TSPAN14: variants seen among roughly 807,000 people sequenced by gnomAD.
The protein encoded by TSPAN14 is tetraspanin-14.
TSPAN14 carries 16 observed loss-of-function variants against 36.6 expected under a neutral mutation model. The observed-to-expected ratio is 0.44, with a 90% confidence interval of 0.30 to 0.66. The LOEUF is 0.66. TSPAN14 is among the 30% of genes least tolerant of loss of function. TSPAN14 has a pLI of 0.12. For missense variants in TSPAN14, 231 were observed against 355.1 expected (o/e 0.65, Z 2.81); for synonymous variants, 139 against 143.8 (o/e 0.97, Z 0.24).
chr10:80,455,647 G>A (rs1040442162), intron 1 of TSPAN14, among the ~76,000 whole-genome samples: 1 of 152,108 alleles, frequency 6.6e-6, no homozygotes, highest in Non-Finnish European at 1.5e-5. Context: ...CTATGTCCTT[G>A]CCACATTTCA....
In TSPAN14 at chr10:80,476,393, A is replaced by T. The variant is rs118158679; in HGVS notation, c.-17-12824A>T. Among the ~76,000 whole-genome samples, 83 of 150,096 alleles carry T rather than the reference A, an allele frequency of 5.5e-4. No individual in the cohort carries two copies. The East Asian group carries it at 0.015, about 28-fold the overall frequency. On this transcript the variant is annotated intron_variant, in intron 1 of 8. Coordinates refer to ENST00000429989, the Ensembl canonical transcript of TSPAN14. ...TCAAAAACAAAAGTAAATGCTGTGA[A>T]AATAGTTGTTTTACTGTTTTTTTTT...
intron 4 of TSPAN14, among the ~76,000 whole-genome samples, chr10:80,508,489 A>G (rs538001232): frequency 6.6e-6 from 1 of 152,244 alleles, no homozygotes; most frequent in South Asian, 2.1e-4. Context: ...TTAGTGTCTT[A>G]TATGGCCAGT....
intron 2 of TSPAN14, among the ~76,000 whole-genome samples, chr10:80,491,136 G>A (rs887918669): frequency 6.6e-6 from 1 of 152,164 alleles, no homozygotes; most frequent in Non-Finnish European, 1.5e-5. Flanking sequence ...GAAATAAGGT[G>A]GGATTCAATG....
chr10:80,515,489 C>T (rs1424954532), intron 7 of TSPAN14: 1 of 152,404 alleles, frequency 6.6e-6, no homozygotes, highest in East Asian at 1.9e-4. Flanking sequence ...AAGAGCCTGT[C>T]TACAAATACA....
chr10:80,473,756 G>A (rs188500758), intron 1 of TSPAN14, among the ~76,000 whole-genome samples: 4 of 149,846 alleles, frequency 2.7e-5, no homozygotes, highest in East Asian at 3.9e-4. Context: ...CACATGCCAC[G>A]GTGTCTGATT....
At chr10:80,514,395 C>T (rs749235529) in intron 7 of TSPAN14, among the ~76,000 whole-genome samples, 16 of 152,124 alleles carry the variant, frequency 1.1e-4, no homozygotes, top group Non-Finnish European at 2.1e-4. Flanking sequence ...AGACGTCTCT[C>T]GTTAAGGGGA....
In TSPAN14 at chr10:80,467,791, C is replaced by A. The variant is rs78082797; in HGVS notation, c.-18+13420C>A. On this transcript the variant is annotated intron_variant, in intron 1 of 8. Coordinates refer to ENST00000429989, the Ensembl canonical transcript of TSPAN14. ...CAAACACACACTCCCAGTGTTCAGGCGCTGAGTGTGGCCCCTGGAGTTCAC... is the reference window on the plus strand; with the variant it reads ...CAAACACACACTCCCAGTGTTCAGGAGCTGAGTGTGGCCCCTGGAGTTCAC... 2.5e-4 allele frequency among the ~76,000 whole-genome samples: 38 copies of A among 152,270 alleles called. 2 individuals carry two copies. In the East Asian group the frequency reaches 3.9e-3, roughly 15 times the overall value.
intron 1 of TSPAN14, among the ~76,000 whole-genome samples, chr10:80,476,409 G>GTTTTTTTTTTTTTTTTTTTTTT (rs60589813): frequency 1.2e-5 from 1 of 85,046 alleles, no homozygotes; most frequent in Non-Finnish European, 2.2e-5. Flanking sequence ...TTGTTTTACT[G>GTTTTTTTTTTTTTTTTTTTTTT]TTTTTTTTTT....
chr10:80,504,284 CT>C (rs1253627696), intron 2 of TSPAN14, among the ~76,000 whole-genome samples: 1 of 152,212 alleles, frequency 6.6e-6, no homozygotes, highest in African/African-American at 2.4e-5. Context: ...CTGTTTCCCC[CT>C]GTCCTCACCC....
chr10:80,503,177 G>A (rs1848619602), intron 2 of TSPAN14, among the ~76,000 whole-genome samples: 1 of 152,130 alleles, frequency 6.6e-6, no homozygotes, highest in Non-Finnish European at 1.5e-5. Context: ...AGGTTGCTCA[G>A]CATGCCAGTG....
At chr10:80,508,357 A>G (rs1224704125) in intron 4 of TSPAN14, among the ~76,000 whole-genome samples, 1 of 151,926 alleles carries the variant, frequency 6.6e-6, no homozygotes, top group Non-Finnish European at 1.5e-5. Context: ...TGACCTTGTG[A>G]TCCTCTCGCC....
At position 80,518,012 on chromosome 10, in the gene TSPAN14, G is replaced by C. The variant is rs771800402; in HGVS notation, c.*36G>C. 10 of 1,549,928 alleles carry C rather than the reference G, an allele frequency of 6.5e-6. No individual in the cohort carries two copies. In the South Asian group the frequency reaches 1.2e-4, roughly 18 times the overall value. ...TGAGGGAGCCGAGCTGAGCCACGCT[G>C]GGAGGCCAGAGCCTTTCTCTGCCAT... On this transcript the variant is annotated 3_prime_UTR_variant, in exon 9 of 9. Transcript: ENST00000429989.
chr10:80,494,541 G>T (rs1422640072), intron 2 of TSPAN14, among the ~76,000 whole-genome samples: 4 of 152,060 alleles, frequency 2.6e-5, no homozygotes, highest in African/African-American at 9.7e-5. Context: ...TTGCAGGTGG[G>T]GTCTTATTCT....
intron 1 of TSPAN14, among the ~76,000 whole-genome samples, chr10:80,473,701 TAAA>T (rs1564716000): frequency 3.5e-5 from 5 of 142,646 alleles, no homozygotes; most frequent in Admixed American, 7.0e-5. Flanking sequence ...TTTTTTTTTT[TAAA>T]TTAAAGTTTT....
chr10:80,455,460 C>T (rs1204846661), intron 1 of TSPAN14, among the ~76,000 whole-genome samples: 1 of 152,092 alleles, frequency 6.6e-6, no homozygotes. Flanking sequence ...GATCTTCCTC[C>T]CTTCCGAGAG....
chr10:80,457,532 G>A (rs1232562903), intron 1 of TSPAN14, among the ~76,000 whole-genome samples: 1 of 152,212 alleles, frequency 6.6e-6, no homozygotes, highest in African/African-American at 2.4e-5. Flanking sequence ...CCTCTCAGAG[G>A]TGATTAAAAT....
chr10:80,505,517 C>T (rs1840239522), intron 3 of TSPAN14, among the ~76,000 whole-genome samples: 1 of 152,172 alleles, frequency 6.6e-6, no homozygotes, highest in Non-Finnish European at 1.5e-5. Context: ...GTGTCTTGAG[C>T]CTAGGCCTTC....
chr10:80,495,642 G>A (rs1235959123), intron 2 of TSPAN14, among the ~76,000 whole-genome samples: 1 of 152,202 alleles, frequency 6.6e-6, no homozygotes, highest in Non-Finnish European at 1.5e-5. Flanking sequence ...GTCTTAAGTA[G>A]TTTGGTGTGC....
Position 80,489,146 on chromosome 10 carries a change from A to G in TSPAN14, c.-17-71A>G, listed in dbSNP as rs530021954. 7.3e-5 allele frequency: 73 copies of G among 1,003,194 alleles called. 1 individual carries two copies. The East Asian group carries it at 1.1e-3, about 15-fold the overall frequency. 62.1% of individuals were successfully genotyped at this position (1,003,194 alleles called of 1,614,324 possible). On this transcript the variant is annotated intron_variant, in intron 1 of 8. Coordinates refer to ENST00000429989, the Ensembl canonical transcript of TSPAN14. ...TGATCGGGAGCTTTCTAGAATCCGC[A>G]TATGAGCTGGTTTGGGGGAAAGGTT...
Sources: allele counts gnomAD v4.1 joint callset (sites outside exome capture counted in the v4.1 genomes callset), GRCh38; gene constraint gnomAD v4.1.1; transcripts MANE v1.5; gene names NCBI Gene and HGNC (gene_info 2026-07-23, HGNC 2026-07-21).